SNX16: variants seen among roughly 807,000 people sequenced by gnomAD.
SNX16 encodes the protein sorting nexin 16.
A neutral mutation model predicts 36.7 loss-of-function variants in SNX16; 35 were observed. The ratio of observed to expected loss-of-function variants is 0.95; its 90% CI spans 0.73 to 1.27. The LOEUF is 1.27. Ranked by LOEUF, SNX16 falls within the 50% of genes most tolerant of loss-of-function variation. The pLI is 0.00. For missense variants in SNX16, 367 were observed against 393.6 expected, an observed-to-expected ratio of 0.93 and a Z score of 0.57; for synonymous variants, 134 against 132.0, an observed-to-expected ratio of 1.02 and a Z score of -0.10.
intron 4 of SNX16, among the ~76,000 whole-genome samples, chr8:81,823,095 A>T (rs1470488349): frequency 6.6e-6 from 1 of 151,446 alleles, no homozygotes; most frequent in Non-Finnish European, 1.5e-5. Context: ...TGGTTTTCTT[A>T]ATTTGTTTTC....
chr8:81,801,498 T>C lies in SNX16; in HGVS notation c.1034A>G (p.Ter345=). ...AEVAYDAEED[*] Reference sequence around the variant, plus strand: ...ATGGAGGGAACTGCTTGTGATACATTAGTCTTCTTCAGCATCATATGCCAC... The same window carrying C: ...ATGGAGGGAACTGCTTGTGATACATCAGTCTTCTTCAGCATCATATGCCAC... Residue 345 remains the stop codon, a stop_retained_variant, in exon 8 of 8, where the codon TAA becomes TGA. Transcript: ENST00000345957. 6.4e-7 allele frequency: 1 copy of C among 1,570,948 alleles called. No homozygotes were observed. The highest frequency in any genetic ancestry group is 1.1e-5 in the South Asian group (1 of 87,742).
At chr8:81,822,118 A>T (rs1234116550) in intron 4 of SNX16, among the ~76,000 whole-genome samples, 3 of 152,102 alleles carry the variant, frequency 2.0e-5, no homozygotes, top group Non-Finnish European at 4.4e-5. Context: ...TTGAGAAGGG[A>T]TGGTACAGAC....
Position 81,839,609 on chromosome 8 carries a change from T to C in SNX16, c.375+3A>G, listed in dbSNP as rs1293908062. 6.2e-7 allele frequency: 1 copy of C among 1,606,168 alleles called. No homozygotes were observed. Among genetic ancestry groups the C allele is most frequent in the South Asian group, 1.1e-5 (1 of 90,162 alleles). ...GTGTTATACAGCAGAAGTCAATACT[T>C]ACAGTAAATTTAGCTCTTTCTTCCA... On this transcript the variant is annotated splice_donor_region_variant and intron_variant, in intron 2 of 7. Transcript: ENST00000345957.
intron 2 of SNX16, among the ~76,000 whole-genome samples, chr8:81,837,366 T>C (rs1811537302): frequency 1.3e-5 from 2 of 152,222 alleles, no homozygotes; most frequent in South Asian, 4.1e-4. Flanking sequence ...CCACCTTGTA[T>C]TTGGCCAAAT....
chr8:81,814,467 TG>T (rs992395010), intron 5 of SNX16, among the ~76,000 whole-genome samples: 9 of 152,132 alleles, frequency 5.9e-5, no homozygotes, highest in African/African-American at 1.9e-4. Flanking sequence ...GTGGTTGCCT[TG>T]GGCTGGAAGT....
intron 4 of SNX16, among the ~76,000 whole-genome samples, chr8:81,820,598 C>T (rs551576447): frequency 8.0e-4 from 114 of 141,964 alleles, no homozygotes; most frequent in African/African-American, 2.5e-3. Flanking sequence ...TATATACTTT[C>T]TAATTATTTG....
Position 81,801,454 on chromosome 8 carries a change from A to G in SNX16, c.*43T>C. ...TTAAAATAGTATTTGCCACTCTTCTAAATTTTTGAATAGTCTAAATGGAGG... is the reference window on the plus strand; with the variant it reads ...TTAAAATAGTATTTGCCACTCTTCTGAATTTTTGAATAGTCTAAATGGAGG... On this transcript the variant is annotated 3_prime_UTR_variant, in exon 8 of 8. Transcript: ENST00000345957. 1 of 1,218,892 alleles carries G rather than the reference A, an allele frequency of 8.2e-7. No individual in the cohort carries two copies. The highest frequency in any genetic ancestry group is 1.2e-6 in the Non-Finnish European group (1 of 863,416). The allele number at this position is 1,218,892 out of a possible 1,614,324, so 75.5% of individuals were successfully genotyped here.
chr8:81,837,704 G>A (rs1297840740), intron 2 of SNX16, among the ~76,000 whole-genome samples: 1 of 152,120 alleles, frequency 6.6e-6, no homozygotes, highest in Non-Finnish European at 1.5e-5. Flanking sequence ...CCATCACCTT[G>A]AAGGTTAGGT....
At chr8:81,827,521 A>G (rs746438951) in intron 3 of SNX16, among the ~76,000 whole-genome samples, 12 of 152,326 alleles carry the variant, frequency 7.9e-5, no homozygotes, top group South Asian at 2.1e-4. Flanking sequence ...ATTCATCAGT[A>G]TAATATATGA....
chr8:81,839,192 C>A (rs527946359), intron 2 of SNX16, among the ~76,000 whole-genome samples: 47 of 152,214 alleles, frequency 3.1e-4, no homozygotes, highest in African/African-American at 1.1e-3. Flanking sequence ...TCACCAATAT[C>A]TTTTAAAGCT....
At chr8:81,831,809 T>C (rs1811284192) in intron 2 of SNX16, among the ~76,000 whole-genome samples, 1 of 146,420 alleles carries the variant, frequency 6.8e-6, no homozygotes, top group Non-Finnish European at 1.5e-5. Context: ...CTAAGAAACA[T>C]AAAAAAAATG....
chr8:81,813,921 T>C (rs1810371456), intron 5 of SNX16, among the ~76,000 whole-genome samples: 1 of 151,956 alleles, frequency 6.6e-6, no homozygotes, highest in South Asian at 2.1e-4. Flanking sequence ...AGAGATAATA[T>C]CAAATGTTTG....
chr8:81,835,245 A>G (rs866099378), intron 2 of SNX16, among the ~76,000 whole-genome samples: 7 of 152,188 alleles, frequency 4.6e-5, no homozygotes, highest in African/African-American at 1.7e-4. Flanking sequence ...TAGGCTGCAC[A>G]TAGCACAGGG....
Position 81,815,061 on chromosome 8 carries a change from T to C in SNX16, c.681+264A>G, listed in dbSNP as rs58897634. 1.6e-3 allele frequency: 299 copies of C among 186,014 alleles called. 1 individual carries two copies. The highest frequency in any genetic ancestry group is 6.7e-3 in the African/African-American group (285 of 42,778). 11.5% of individuals were successfully genotyped at this position (186,014 alleles called of 1,614,324 possible). A position where few individuals can be genotyped will look rare whatever the true frequency, so the allele number is the denominator to read the frequency against. On this transcript the variant is annotated intron_variant, in intron 5 of 7. Transcript: ENST00000345957. ...AAAAAGGTCCCCCAAATCATTTTTT[T>C]TGAAACAGTAAAAATAATGCAGGAT...
chr8:81,806,734 G>A lies in SNX16; in HGVS notation c.682-3506C>T, dbSNP rs149096535. ...ATTACGTATTAGGAAAAAACACATT[G>A]TTAATATTGCAGGGGATATGATTAC... is the stretch of plus-strand genomic sequence containing the variant. On this transcript the variant is annotated intron_variant, in intron 5 of 7. Transcript: ENST00000345957. 8.5e-5 allele frequency among the ~76,000 whole-genome samples: 13 copies of A among 152,114 alleles called. 1 individual carries two copies. In the East Asian group the frequency reaches 2.5e-3, roughly 29 times the overall value.
At chr8:81,838,051 G>A (rs902528257) in intron 2 of SNX16, among the ~76,000 whole-genome samples, 3 of 152,160 alleles carry the variant, frequency 2.0e-5, no homozygotes, top group African/African-American at 7.2e-5. Flanking sequence ...TAAGAGAGTT[G>A]AGCAAGGTTG....
chr8:81,802,587 T>C, intron 6 of SNX16, 88 bp from the exon 7 acceptor site: 1 of 1,162,350 alleles, frequency 8.6e-7, no homozygotes, highest in East Asian at 2.6e-5. Context: ...TATAGCAGTC[T>C]TTAGCTGTTA....
rs755419756 is a variant in SNX16, at chr8:81,801,512, A to G, written c.1020T>C (p.Asp340=). ...TTGTGATACATTAGTCTTCTTCAGCATCATATGCCACTTCTGCTACTTCTA... is the reference window on the plus strand; with the variant it reads ...TTGTGATACATTAGTCTTCTTCAGCGTCATATGCCACTTCTGCTACTTCTA... ...SEIEVAEVAY[D]AEED The change falls in exon 8 of 8, where the codon GAT becomes GAC. Residue 340 remains aspartate, a synonymous_variant. Coordinates refer to ENST00000345957, the MANE Select transcript of SNX16 (RefSeq NM_152836.3). 2 of 1,594,838 alleles carry G rather than the reference A, an allele frequency of 1.3e-6. No individual in the cohort carries two copies. Among genetic ancestry groups the G allele is most frequent in the Non-Finnish European group, 1.7e-6 (2 of 1,173,128 alleles).
At chr8:81,820,623 C>CTTAAG (rs756348392) in intron 4 of SNX16, among the ~76,000 whole-genome samples, 5,174 of 151,940 alleles carry the variant, frequency 0.034, 144 homozygotes, top group Non-Finnish European at 0.052. Context: ...TGACTTATAT[C>CTTAAG]CATTTTCCTA....
Sources: allele counts gnomAD v4.1 joint callset (sites outside exome capture counted in the v4.1 genomes callset), GRCh38; gene constraint gnomAD v4.1.1; transcripts MANE v1.5; gene names NCBI Gene and HGNC (gene_info 2026-07-23, HGNC 2026-07-21).